The following FRYL variants were observed in gnomAD, a reference collection of about 807,000 sequenced individuals.
FRYL encodes FRY like transcription coactivator, also known as protein furry homolog-like.
Under a neutral mutation model 351.2 loss-of-function variants are expected in FRYL, and 150 were observed. The observed-to-expected ratio is 0.43, with a 90% confidence interval of 0.37 to 0.49. FRYL has a LOEUF of 0.49. Ranked by LOEUF, FRYL falls within the 20% of genes least tolerant of loss-of-function variation. The pLI is 0.00. For synonymous variants in FRYL, 1,153 were observed against 1,257.1 expected (o/e 0.92, Z 1.75); for missense variants, 3,036 against 3,619.3 (o/e 0.84, Z 4.13).
chr4:48,602,587 A>G (rs529039361), intron 12 of FRYL, among the ~76,000 whole-genome samples: 1 of 152,160 alleles, frequency 6.6e-6, no homozygotes, highest in Non-Finnish European at 1.5e-5. Context: ...AAAAAAGTAC[A>G]AAGTACTTAG....
Position 48,499,582 on chromosome 4 carries a change from C to A in FRYL, c.8882G>T (p.Gly2961Val). Residue 2961 changes from glycine to valine, a missense_variant, in exon 64 of 64, where the codon GGA (glycine) becomes GTA (valine). By Grantham distance (109) the Gly-to-Val change is moderately radical. Transcript: ENST00000358350. ...GTTAGAGCCTATAACTGCAAAGCTTCCTGTCTGGCCCAGCGTCTGATGATG... is the reference window on the plus strand; with the variant it reads ...GTTAGAGCCTATAACTGCAAAGCTTACTGTCTGGCCCAGCGTCTGATGATG... ...YFHHQTLGQTGSFAVIGSNLD... is the reference protein window; with the variant it reads ...YFHHQTLGQTVSFAVIGSNLD... The A allele has an allele frequency of 6.2e-7, 1 of 1,614,108 alleles. No homozygotes were observed. The highest frequency in any genetic ancestry group is 8.5e-7 in the Non-Finnish European group (1 of 1,180,000).
At chr4:48,589,084 T>C (rs1435484043) in intron 18 of FRYL, among the ~76,000 whole-genome samples, 1 of 152,212 alleles carries the variant, frequency 6.6e-6, no homozygotes, top group Non-Finnish European at 1.5e-5. Context: ...ATACCAAATT[T>C]GGTATTCTAA....
At chr4:48,695,940 T>C (rs1410286667) in intron 2 of FRYL, among the ~76,000 whole-genome samples, 2 of 152,206 alleles carry the variant, frequency 1.3e-5, no homozygotes, top group African/African-American at 2.4e-5. Context: ...TCAACATCAC[T>C]GATCATTAGA....
In FRYL at chr4:48,639,658, A is replaced by AC. The variant is rs1438893624; in HGVS notation, c.-80-5169_-80-5168insG. Among the ~76,000 whole-genome samples the AC allele has an allele frequency of 3.9e-5, 6 of 152,064 alleles. No homozygotes were observed. In the East Asian group the frequency reaches 1.2e-3, roughly 29 times the overall value. ...TAGATAAACATCAAAACCATGATCC[A>AC]GGGAAAAAAATTATTAAAATGAAGC... is the stretch of plus-strand genomic sequence containing the variant. On this transcript the variant is annotated intron_variant, in intron 3 of 63. Transcript: ENST00000358350.
intron 2 of FRYL, among the ~76,000 whole-genome samples, chr4:48,687,493 G>GGC (rs1491208654): frequency 9.4e-4 from 4 of 4,244 alleles, no homozygotes; most frequent in African/African-American, 1.8e-3. Context: ...AAATGAGGTC[G>GGC]GGGGGGGGGG....
rs141548595 is a variant in FRYL, at chr4:48,618,883, C to T, written c.411+391G>A. 1.6e-3 allele frequency: 260 copies of T among 162,262 alleles called. 1 individual carries two copies. Among genetic ancestry groups the T allele is most frequent in the Middle Eastern group, 5.7e-3 (2 of 348 alleles). 10.1% of individuals were successfully genotyped at this position (162,262 alleles called of 1,614,324 possible). ...AGTACCCTTATCAAATCACCCCATG[C>T]CTCTACTAAAAGTGCACAATTATTA... On this transcript the variant is annotated intron_variant, in intron 7 of 63. Coordinates refer to ENST00000358350, the MANE Select transcript of FRYL (RefSeq NM_015030.2).
chr4:48,736,850 G>GGA (rs1553877066), intron 1 of FRYL, among the ~76,000 whole-genome samples: 6 of 40,610 alleles, frequency 1.5e-4, no homozygotes, highest in Admixed American at 3.8e-4. Flanking sequence ...ACTCTGTCTC[G>GGA]AAAAAAAAAA....
At chr4:48,774,849 A>T (rs138528210) in intron 1 of FRYL, among the ~76,000 whole-genome samples, 1 of 152,208 alleles carries the variant, frequency 6.6e-6, no homozygotes, top group East Asian at 1.9e-4. Context: ...CCAGCCAATG[A>T]TTTTTCAAAA....
chr4:48,658,659 T>A (rs1201117137), intron 3 of FRYL, among the ~76,000 whole-genome samples: 1 of 142,782 alleles, frequency 7.0e-6, no homozygotes, highest in Non-Finnish European at 1.5e-5. Flanking sequence ...GAGGATGAGG[T>A]GGGAGGATCA....
intron 57 of FRYL, 57 bp from the exon 58 acceptor site, chr4:48,511,041 C>T (rs1722364019): frequency 1.6e-6 from 2 of 1,233,166 alleles, no homozygotes; most frequent in Admixed American, 2.2e-5. Flanking sequence ...CTTTTTTCAT[C>T]TTTAAGTAAA....
At chr4:48,766,824 C>G (rs1220551040) in intron 1 of FRYL, among the ~76,000 whole-genome samples, 1 of 151,660 alleles carries the variant, frequency 6.6e-6, no homozygotes, top group African/African-American at 2.4e-5. Context: ...TACCAGTTTT[C>G]AAAGTAAGGA....
intron 1 of FRYL, among the ~76,000 whole-genome samples, chr4:48,759,129 TA>T (rs1774143365): frequency 6.6e-6 from 1 of 151,990 alleles, no homozygotes; most frequent in Admixed American, 6.6e-5. Flanking sequence ...ATACCTAATG[TA>T]AATGACGAGT....
Position 48,499,278 on chromosome 4 carries a change from T to C in FRYL, c.*144A>G, listed in dbSNP as rs1023021426. 1.3e-5 allele frequency: 9 copies of C among 685,018 alleles called. No homozygotes were observed. Among genetic ancestry groups the C allele is most frequent in the African/African-American group, 1.1e-4 (6 of 55,698 alleles). The allele number at this position is 685,018 out of a possible 1,614,324, so 42.4% of individuals were successfully genotyped here. Reference sequence around the variant, plus strand: ...GTTTTTTTCTTTCAGATCTTTGTTTTTGATGATACAGTTTGACATTAGTTA... The same window carrying C: ...GTTTTTTTCTTTCAGATCTTTGTTTCTGATGATACAGTTTGACATTAGTTA... On this transcript the variant is annotated 3_prime_UTR_variant, in exon 64 of 64. Coordinates refer to ENST00000358350, the MANE Select transcript of FRYL (RefSeq NM_015030.2).
At chr4:48,653,280 T>C (rs1012828146) in intron 3 of FRYL, among the ~76,000 whole-genome samples, 11 of 152,182 alleles carry the variant, frequency 7.2e-5, no homozygotes, top group African/African-American at 2.7e-4. Context: ...ATTATCATTA[T>C]ATTATGTTTC....
chr4:48,575,949 C>T (rs1739509458), intron 24 of FRYL, 81 bp downstream of exon 24: 1 of 1,149,740 alleles, frequency 8.7e-7, no homozygotes, highest in Non-Finnish European at 1.2e-6. Context: ...ACTTTATTGT[C>T]CATAAAAAGA....
intron 27 of FRYL, among the ~76,000 whole-genome samples, chr4:48,569,112 A>G (rs1737629307): frequency 6.6e-6 from 1 of 152,246 alleles, no homozygotes; most frequent in South Asian, 2.1e-4. Flanking sequence ...TAAATACAGC[A>G]AAATTTTGCA....
intron 1 of FRYL, among the ~76,000 whole-genome samples, chr4:48,734,489 G>T (rs536041589): frequency 6.6e-6 from 1 of 152,260 alleles, no homozygotes; most frequent in African/African-American, 2.4e-5. Flanking sequence ...TCTATCAGAA[G>T]CAAACAGATC....
chr4:48,519,597 CATTCAGGTG>C (rs1484834878), intron 55 of FRYL, among the ~76,000 whole-genome samples: 1 of 151,242 alleles, frequency 6.6e-6, no homozygotes, highest in Non-Finnish European at 1.5e-5. Context: ...CCGCCTCCCA[CATTCAGGTG>C]ATTCTCCTGC....
intron 1 of FRYL, among the ~76,000 whole-genome samples, chr4:48,763,235 G>C (rs1774594485): frequency 1.3e-5 from 2 of 152,098 alleles, no homozygotes. Flanking sequence ...GCTGAGGCAG[G>C]AGGATTGCTT....
Sources: allele counts gnomAD v4.1 joint callset (sites outside exome capture counted in the v4.1 genomes callset), GRCh38; gene constraint gnomAD v4.1.1; transcripts MANE v1.5; gene names NCBI Gene and HGNC (gene_info 2026-07-23, HGNC 2026-07-21).